The following CR2 variants were observed in gnomAD, a reference collection of about 807,000 sequenced individuals.
The protein encoded by CR2 is complement receptor type 2.
In CR2, 96 loss-of-function variants were observed where a neutral mutation model predicts 123.0. The ratio of observed to expected loss-of-function variants is 0.78; its 90% CI spans 0.66 to 0.93. CR2 has a LOEUF of 0.93. Among genes scored for constraint, CR2 ranks in the 40% least tolerant of loss-of-function variants. The pLI is 0.00. For synonymous variants in CR2, 484 were observed against 469.5 expected (o/e 1.03, Z -0.40); for missense variants, 1,258 against 1,361.0 (o/e 0.92, Z 1.19).
In CR2 at chr1:207,466,717, T is replaced by C. The variant is rs1336533629; in HGVS notation, c.250T>C (p.Tyr84His). The C allele has an allele frequency of 3.7e-6, 6 of 1,614,018 alleles. No homozygotes were observed. In the Admixed American group the frequency reaches 8.3e-5, roughly 22 times the overall value. ...TWDKPAPKCE[Y>H]FNKYSSCPEP... Reference sequence around the variant, plus strand: ...GGATAAACCTGCTCCTAAATGTGAATATTTCAATAAATATTCTTCTTGCCC... The same window carrying C: ...GGATAAACCTGCTCCTAAATGTGAACATTTCAATAAATATTCTTCTTGCCC... Residue 84 changes from tyrosine to histidine, a missense_variant, in exon 2 of 20, where the codon TAT becomes CAT. By Grantham distance (83) the Tyr-to-His change is moderately conservative. Transcript: ENST00000367057.
chr1:207,469,006 TG>T, intron 4 of CR2, 107 bp downstream of exon 4: 1 of 1,408,114 alleles, frequency 7.1e-7, no homozygotes, highest in Non-Finnish European at 1.0e-6. Flanking sequence ...CTGGGCAGTC[TG>T]GGGTAGGGTT....
At position 207,474,264 on chromosome 1, in the gene CR2, A is replaced by T; in HGVS notation, c.2264A>T (p.Tyr755Phe). 1 of 1,613,482 alleles carries T rather than the reference A, an allele frequency of 6.2e-7. No individual in the cohort carries two copies. Among genetic ancestry groups the T allele is most frequent in the South Asian group, 1.1e-5 (1 of 91,082 alleles). Residue 755 changes from tyrosine to phenylalanine, a missense_variant, in exon 13 of 20, where the codon TAT becomes TTT. Physicochemically the swap from Tyr to Phe is conservative, Grantham distance 22. Coordinates refer to ENST00000367057, the MANE Select transcript of CR2 (RefSeq NM_001006658.3). ...AGGTACCAGTTGACTGGACATGCTTATCAGATGTGTCAAGATGCTGAAAAT... is the reference window on the plus strand; with the variant it reads ...AGGTACCAGTTGACTGGACATGCTTTTCAGATGTGTCAAGATGCTGAAAAT... ...QDGYQLTGHA[Y>F]QMCQDAENGI...
intron 12 of CR2, 136 bp from the exon 13 acceptor site, chr1:207,474,105 G>GT: frequency 2.2e-6 from 2 of 900,420 alleles, no homozygotes; most frequent in Non-Finnish European, 1.8e-6. Context: ...TTTACTTGGA[G>GT]TAAAAAAAAG....
rs771928943 is a variant in CR2 at position 207,473,016 on chromosome 1, C to T, written c.1815C>T (p.Val605=). The T allele has an allele frequency of 6.2e-7, 1 of 1,613,994 alleles. No individual in the cohort carries two copies. The highest frequency in any genetic ancestry group is 1.1e-5 in the South Asian group (1 of 91,078). The change falls in exon 10 of 20, where the codon GTC becomes GTT. Residue 605 remains valine (V), a synonymous_variant. Coordinates refer to ENST00000367057, the MANE Select transcript of CR2 (RefSeq NM_001006658.3). ...TCCTTGCTGTCCAGTGCTCACATGT[C>T]CATATTGCAAATGGATACAAGATAT... ...LSLLAVQCSH[V]HIANGYKISG...
At chr1:207,478,525 C>CAAAGAAAAAAAAAAAAA in intron 16 of CR2, among the ~76,000 whole-genome samples, 1 of 58,744 alleles carries the variant, frequency 1.7e-5, no homozygotes, top group Non-Finnish European at 3.2e-5. Flanking sequence ...AAGACCCTAT[C>CAAAGAAAAAAAAAAAAA]AAAAAAAAAA....
At chr1:207,460,331 C>A (rs1174187342) in intron 1 of CR2, among the ~76,000 whole-genome samples, 1 of 152,112 alleles carries the variant, frequency 6.6e-6, no homozygotes. Context: ...ATATCTGGCT[C>A]CCAATAATGA....
Position 207,470,109 on chromosome 1 carries a change from G to A in CR2, c.1225+7G>A. The A allele has an allele frequency of 6.2e-7, 1 of 1,613,222 alleles. No individual in the cohort carries two copies. The highest frequency in any genetic ancestry group is 8.5e-7 in the Non-Finnish European group (1 of 1,179,806). On this transcript the variant is annotated splice_region_variant and intron_variant, in intron 6 of 19. Transcript: ENST00000367057. ...GCACCAGTCTGTGAAAAGGGTGAGT[G>A]TTCCGGTACTCAGAAAAGGTGCTTC...
intron 2 of CR2, among the ~76,000 whole-genome samples, chr1:207,467,192 GT>G (rs1558189443): frequency 6.6e-6 from 1 of 152,186 alleles, no homozygotes; most frequent in East Asian, 1.9e-4. Flanking sequence ...TGGGGTCAGA[GT>G]TTGTTGGGGA....
Position 207,468,522 on chromosome 1 carries a change from T to G in CR2, c.446-5T>G. ...GCTTTTTTTTCCTGGTATGTGTGTG[T>G]AAAGTTTTCCCTCTCGAGTGTCCAG... On this transcript the variant is annotated splice_region_variant and splice_polypyrimidine_tract_variant and intron_variant, in intron 2 of 19. Coordinates refer to ENST00000367057, the MANE Select transcript of CR2 (RefSeq NM_001006658.3). The G allele has an allele frequency of 6.2e-7, 1 of 1,613,778 alleles. No individual in the cohort carries two copies. The highest frequency in any genetic ancestry group is 8.5e-7 in the Non-Finnish European group (1 of 1,179,806).
Position 207,480,049 on chromosome 1 carries a change from G to C in CR2, c.3184G>C (p.Ala1062Pro), listed in dbSNP as rs766380716. 1 of 1,611,166 alleles carries C rather than the reference G, an allele frequency of 6.2e-7. No individual in the cohort carries two copies. Among genetic ancestry groups the C allele is most frequent in the Non-Finnish European group, 8.5e-7 (1 of 1,177,620 alleles). ...ITLYVISKHRARNYYTDTSQK... is the reference protein window; with the variant it reads ...ITLYVISKHRPRNYYTDTSQK... ...CTTATACGTGATATCAAAACACAGA[G>C]CACGGTAAGTTCAAAGGCGAATACT... is the stretch of plus-strand genomic sequence containing the variant. Residue 1062 changes from alanine to proline, a missense_variant, in exon 18 of 20, where the codon GCA becomes CCA. Ala to Pro is a conservative substitution (Grantham distance 27). Coordinates refer to ENST00000367057, the MANE Select transcript of CR2 (RefSeq NM_001006658.3).
At chr1:207,461,985 C>A (rs1011784715) in intron 1 of CR2, among the ~76,000 whole-genome samples, 2 of 152,146 alleles carry the variant, frequency 1.3e-5, no homozygotes, top group Admixed American at 6.5e-5. Flanking sequence ...GCTGGCCAAA[C>A]CTATTCATCC....
rs754283444 is a variant in CR2, at chr1:207,473,577, C to T, written c.2011C>T (p.Arg671Cys). 27 of 1,613,728 alleles carry T rather than the reference C, an allele frequency of 1.7e-5. No homozygotes were observed. Among genetic ancestry groups the T allele is most frequent in the African/African-American group, 4.0e-5 (3 of 74,888 alleles). ...GTCACCTCCTGGGCTCCACCATGGT[C>T]GTCATACAGGTGGAAATACGGTCTT... ...CQSPPGLHHG[R>C]HTGGNTVFFV... The change falls in exon 11 of 20, where the codon CGT becomes TGT. Residue 671 changes from arginine to cysteine, a missense_variant. Coordinates refer to ENST00000367057, the MANE Select transcript of CR2 (RefSeq NM_001006658.3).
chr1:207,474,347 T>C (rs1658373720), intron 13 of CR2, 24 bp downstream of exon 13: 2 of 1,535,766 alleles, frequency 1.3e-6, no homozygotes, highest in Admixed American at 3.3e-5. Context: ...AATAAAAGCC[T>C]GACAATGGTA....
Position 207,469,941 on chromosome 1 carries a change from A to G in CR2, c.1064A>G (p.Gln355Arg), listed in dbSNP as rs777919823. Reference protein sequence around the residue: ...STSAVQCPHPQILRGRMVSGQ... With the variant: ...STSAVQCPHPRILRGRMVSGQ... ...TCTGCGGTTCAGTGTCCACATCCCC[A>G]GATCCTAAGAGGCCGAATGGTATCT... is the stretch of plus-strand genomic sequence containing the variant. The change falls in exon 6 of 20, where the codon CAG (glutamine) becomes CGG (arginine). Residue 355 changes from glutamine (Q) to arginine (R), a missense_variant. Physicochemically the swap from Gln to Arg is conservative, Grantham distance 43. Transcript: ENST00000367057. 5.6e-6 allele frequency: 9 copies of G among 1,613,886 alleles called. No homozygotes were observed. The East Asian group carries it at 1.3e-4, about 24-fold the overall frequency.
Position 207,454,705 on chromosome 1 carries a change from G to C in CR2, c.58+229G>C. 2.1e-6 allele frequency: 1 copy of C among 476,522 alleles called. No individual in the cohort carries two copies. The highest frequency in any genetic ancestry group is 3.7e-6 in the Non-Finnish European group (1 of 269,734). 29.5% of individuals were successfully genotyped at this position (476,522 alleles called of 1,614,324 possible). On this transcript the variant is annotated intron_variant, in intron 1 of 19. Coordinates refer to ENST00000367057, the MANE Select transcript of CR2 (RefSeq NM_001006658.3). The surrounding 1 kb of genome is among the most constrained non-coding windows in gnomAD (Gnocchi z 4.3). ...CCAGAATTGGAGGCTGCGCCACAGA[G>C]GGGCGCTGTCTGGTCGGCCCGGTGT...
Position 207,470,017 on chromosome 1 carries a change from G to A in CR2, c.1140G>A (p.Met380Ile), listed in dbSNP as rs147638245. 1.9e-4 allele frequency: 309 copies of A among 1,613,986 alleles called. No homozygotes were observed. The African/African-American group carries it at 3.7e-3, about 19-fold the overall frequency. Residue 380 changes from methionine to isoleucine, a missense_variant, in exon 6 of 20, where the codon ATG becomes ATA. Physicochemically the swap from Met to Ile is conservative, Grantham distance 10. Transcript: ENST00000367057. The part of the protein sequence containing the change: ...TYNDTVIFAC[M>I]FGFTLKGSKQ... Reference sequence around the variant, plus strand: ...ACGACACTGTGATATTTGCTTGCATGTTTGGCTTCACCTTGAAGGGCAGCA... The same window carrying A: ...ACGACACTGTGATATTTGCTTGCATATTTGGCTTCACCTTGAAGGGCAGCA...
chr1:207,467,837 G>A (rs1658146702), intron 2 of CR2, among the ~76,000 whole-genome samples: 1 of 152,104 alleles, frequency 6.6e-6, no homozygotes, highest in Admixed American at 6.5e-5. Context: ...GAGGAAGTAA[G>A]GCATAGAATA....
At chr1:207,485,875 C>T (rs1658735065) in intron 19 of CR2, among the ~76,000 whole-genome samples, 1 of 151,994 alleles carries the variant, frequency 6.6e-6, no homozygotes, top group African/African-American at 2.4e-5. Flanking sequence ...ATAAAGAGAA[C>T]AGGGTGGTCG....
intron 2 of CR2, 100 bp downstream of exon 2, chr1:207,467,012 AATG>A: frequency 7.3e-7 from 1 of 1,364,960 alleles, no homozygotes; most frequent in African/African-American, 1.4e-5. Flanking sequence ...GTGAACATGT[AATG>A]ATGAGGGTGG....
Sources: gnomAD v4.1 joint callset for allele counts (sites outside exome capture counted in the v4.1 genomes callset) on GRCh38, gnomAD v4.1.1 for gene constraint, Gnocchi (gnomAD v3.1) non-coding constraint, MANE v1.5 for transcripts, NCBI Gene and HGNC (gene_info 2026-07-23, HGNC 2026-07-21) for gene names.